DPF3: variants seen among roughly 807,000 people sequenced by gnomAD.
DPF3 encodes double PHD fingers 3, also known as zinc finger protein DPF3.
Under a neutral mutation model 56.8 loss-of-function variants are expected in DPF3, and 18 were observed. That is an observed-to-expected ratio of 0.32 (90% confidence interval 0.22 to 0.47). The LOEUF (loss-of-function observed/expected upper bound fraction) is 0.47. Among genes scored for constraint, DPF3 ranks in the 20% least tolerant of loss-of-function variants. DPF3 has a pLI of 1.00. For synonymous variants in DPF3, 188 were observed against 180.2 expected, an observed-to-expected ratio of 1.04 and a Z score of -0.35; for missense variants, 403 against 488.8, an observed-to-expected ratio of 0.82 and a Z score of 1.65.
chr14:72,875,060 T>A (rs1156623274), intron 1 of DPF3, among the ~76,000 whole-genome samples: 1 of 152,154 alleles, frequency 6.6e-6, no homozygotes, highest in East Asian at 1.9e-4. Context: ...AAGCAAAAGC[T>A]GAAACCCCTG....
At chr14:72,628,611 A>G (rs2153566820) in intron 9 of DPF3, among the ~76,000 whole-genome samples, 1 of 152,228 alleles carries the variant, frequency 6.6e-6, no homozygotes, top group East Asian at 1.9e-4. Flanking sequence ...AGTGTACACC[A>G]CCATCTATGA....
At chr14:72,639,811 G>C (rs1885489584) in intron 8 of DPF3, among the ~76,000 whole-genome samples, 1 of 152,054 alleles carries the variant, frequency 6.6e-6, no homozygotes, top group Admixed American at 6.5e-5. Context: ...ATAAGTGTTT[G>C]TTGTTTTAAG....
At chr14:72,845,226 G>GA (rs11419679) in intron 1 of DPF3, among the ~76,000 whole-genome samples, 73,764 of 152,010 alleles carry the variant, frequency 0.49, 18,847 homozygotes, top group East Asian at 0.87. Context: ...AGTAAGGAAA[G>GA]AACAGTGAAA....
At chr14:72,670,192 C>A in intron 8 of DPF3, 1 of 985,988 alleles carries the variant, frequency 1.0e-6, no homozygotes, top group Non-Finnish European at 1.2e-6. Context: ...GGGAAACACA[C>A]GATGATGTCT....
chr14:72,812,274 G>A (rs1883082695), intron 1 of DPF3, among the ~76,000 whole-genome samples: 1 of 152,168 alleles, frequency 6.6e-6, no homozygotes, highest in Non-Finnish European at 1.5e-5. Context: ...CACAGGCAGG[G>A]CAGGTTCCTG....
At position 72,637,908 on chromosome 14, in the gene DPF3, C is replaced by A. The variant is rs79839169; in HGVS notation, c.872-8172G>T. Among the ~76,000 whole-genome samples, 306 of 152,188 alleles carry A rather than the reference C, an allele frequency of 2.0e-3. 4 individuals carry two copies. Among genetic ancestry groups the A allele is most frequent in the African/African-American group, 6.9e-3 (287 of 41,524 alleles). ...AGCCCAGTCCGATCCAATGTCGACA[C>A]AACAAAAGATGGCCAAGACAGAAAG... On this transcript the variant is annotated intron_variant, in intron 8 of 10. Coordinates refer to ENST00000556509, the MANE Select transcript of DPF3 (RefSeq NM_001280542.3).
intron 1 of DPF3, among the ~76,000 whole-genome samples, chr14:72,869,999 T>C (rs191206541): frequency 7.2e-5 from 11 of 152,112 alleles, no homozygotes; most frequent in African/African-American, 2.7e-4. Context: ...GGATGCAAAA[T>C]AGGCTGAAGT....
chr14:72,652,027 G>C (rs1043695901), intron 8 of DPF3, among the ~76,000 whole-genome samples: 6 of 152,190 alleles, frequency 3.9e-5, no homozygotes, highest in African/African-American at 1.4e-4. Flanking sequence ...CTGATCCTGG[G>C]CAAGTTACTG....
intron 1 of DPF3, among the ~76,000 whole-genome samples, chr14:72,835,367 A>C (rs1416196795): frequency 6.6e-6 from 1 of 152,172 alleles, no homozygotes. Flanking sequence ...ATGCCAGGCC[A>C]GGATTTCTTT....
intron 8 of DPF3, among the ~76,000 whole-genome samples, chr14:72,640,082 G>GAAAAAAAAAAAAAAAAAAAAAA (rs1885509419): frequency 4.9e-5 from 3 of 61,084 alleles, no homozygotes; most frequent in Non-Finnish European, 7.4e-5. Context: ...AAAAAAAAAT[G>GAAAAAAAAAAAAAAAAAAAAAA]GAAACAGCAT....
chr14:72,843,730 T>G (rs1484126254), intron 1 of DPF3, among the ~76,000 whole-genome samples: 4 of 152,092 alleles, frequency 2.6e-5, no homozygotes, highest in Admixed American at 1.3e-4. Context: ...TTAGTAGAGA[T>G]GGGGTTTCTC....
chr14:72,708,895 G>A (rs1423662385), intron 6 of DPF3, among the ~76,000 whole-genome samples: 1 of 152,250 alleles, frequency 6.6e-6, no homozygotes, highest in African/African-American at 2.4e-5. Flanking sequence ...GCGCCACTGT[G>A]TGGGGAAGGA....
chr14:72,705,532 A>G (rs533408911), intron 6 of DPF3, among the ~76,000 whole-genome samples: 39 of 152,286 alleles, frequency 2.6e-4, no homozygotes, highest in South Asian at 1.0e-3. Context: ...ATTTTCTTCC[A>G]TGAGTCCCTG....
chr14:72,661,511 C>A, intron 8 of DPF3: 1 of 985,554 alleles, frequency 1.0e-6, no homozygotes, highest in Non-Finnish European at 1.2e-6. Flanking sequence ...AAGCCCAGTG[C>A]AGTGGGGAGC....
At chr14:72,884,694 C>T (rs1886446783) in intron 1 of DPF3, among the ~76,000 whole-genome samples, 1 of 151,480 alleles carries the variant, frequency 6.6e-6, no homozygotes, top group Non-Finnish European at 1.5e-5. Flanking sequence ...CTCCATCCAC[C>T]TAGGAAGCCT....
At chr14:72,786,885 G>T (rs1002827824) in intron 1 of DPF3, among the ~76,000 whole-genome samples, 3 of 152,330 alleles carry the variant, frequency 2.0e-5, no homozygotes, top group Middle Eastern at 3.4e-3. Context: ...TCCCTTGAAA[G>T]CCCTGTTTCA....
chr14:72,709,553 CATTA>C (rs1185637691), intron 6 of DPF3, among the ~76,000 whole-genome samples: 1 of 152,166 alleles, frequency 6.6e-6, no homozygotes, highest in Non-Finnish European at 1.5e-5. Context: ...TGTGCGTTCT[CATTA>C]ATTAACTTTG....
chr14:72,747,642 A>G (rs1398321928), intron 3 of DPF3, among the ~76,000 whole-genome samples: 3 of 151,486 alleles, frequency 2.0e-5, no homozygotes, highest in Non-Finnish European at 4.4e-5. Flanking sequence ...AAAAAAAAAA[A>G]TAGCTAGGTG....
At chr14:72,706,790 A>G (rs931669391) in intron 6 of DPF3, among the ~76,000 whole-genome samples, 7 of 152,140 alleles carry the variant, frequency 4.6e-5, no homozygotes, top group African/African-American at 7.2e-5. Flanking sequence ...GCATTATGCA[A>G]AGGTATAGCT....
Sources: allele counts gnomAD v4.1 joint callset (sites outside exome capture counted in the v4.1 genomes callset), GRCh38; gene constraint gnomAD v4.1.1; transcripts MANE v1.5; gene names NCBI Gene and HGNC (gene_info 2026-07-23, HGNC 2026-07-21).